DPY19L3: variants seen among roughly 807,000 people sequenced by gnomAD.
DPY19L3 encodes protein C-mannosyl-transferase DPY19L3.
In DPY19L3, 51 loss-of-function variants were observed where a neutral mutation model predicts 92.3. That is an observed-to-expected ratio of 0.55 (90% CI 0.44 to 0.70). The LOEUF (loss-of-function observed/expected upper bound fraction) is 0.70. DPY19L3 is among the 30% of genes least tolerant of loss of function. DPY19L3 has a pLI of 0.00. For synonymous variants in DPY19L3, 309 were observed against 315.2 expected (o/e 0.98, Z 0.21); for missense variants, 706 against 855.9 (o/e 0.82, Z 2.18).
At chr19:32,468,360 A>G (rs1291132171) in intron 15 of DPY19L3, 6 of 1,006,498 alleles carry the variant, frequency 6.0e-6, no homozygotes, top group Non-Finnish European at 5.9e-6. Flanking sequence ...TTAGTTAATT[A>G]CATATTCCTA....
Position 32,436,483 on chromosome 19 carries a change from T to A in DPY19L3, c.366T>A (p.Ser122=). 1 of 1,565,916 alleles carries A rather than the reference T, an allele frequency of 6.4e-7. No individual in the cohort carries two copies. Among genetic ancestry groups the A allele is most frequent in the Non-Finnish European group, 8.7e-7 (1 of 1,144,680 alleles). ...TAATATATGATAATAAAACTGAATC[T>A]ATGAAGACAATTAACCTCCTTCAGC... is the stretch of plus-strand genomic sequence containing the variant. The part of the protein sequence containing the change: ...HGLIYDNKTE[S]MKTINLLQRM... The change falls in exon 5 of 19, where the codon TCT becomes TCA. Residue 122 remains serine, a synonymous_variant. Transcript: ENST00000392250.
At chr19:32,434,388 G>C (rs992890723) in intron 4 of DPY19L3, among the ~76,000 whole-genome samples, 1 of 152,080 alleles carries the variant, frequency 6.6e-6, no homozygotes, top group Non-Finnish European at 1.5e-5. Flanking sequence ...TGGGCGCAGT[G>C]GCTCACTCCT....
At chr19:32,468,668 TTA>T in intron 15 of DPY19L3, 61 bp from the exon 16 acceptor site, 5 of 1,587,758 alleles carry the variant, frequency 3.1e-6, no homozygotes, top group South Asian at 1.2e-5. Context: ...TCATTTAATC[TTA>T]GTGATAGTTG....
intron 12 of DPY19L3, among the ~76,000 whole-genome samples, 166 bp from the exon 13 acceptor site, chr19:32,463,197 CTTT>C (rs1970094613): frequency 6.6e-6 from 1 of 151,990 alleles, no homozygotes; most frequent in African/African-American, 2.4e-5. Context: ...TATTGTTACA[CTTT>C]AGCCTCATAA....
intron 8 of DPY19L3, among the ~76,000 whole-genome samples, chr19:32,442,891 A>T (rs1327931900): frequency 3.9e-5 from 6 of 152,186 alleles, no homozygotes; most frequent in African/African-American, 1.4e-4. Flanking sequence ...TGCCAGAGCT[A>T]TGTCAGAGAA....
intron 16 of DPY19L3, among the ~76,000 whole-genome samples, chr19:32,472,650 A>G (rs777887144): frequency 3.9e-5 from 6 of 152,026 alleles, no homozygotes; most frequent in East Asian, 1.9e-4. Context: ...TGCAACCACA[A>G]TCTGTGGTTT....
intron 8 of DPY19L3, among the ~76,000 whole-genome samples, chr19:32,441,128 C>T (rs1969308958): frequency 6.6e-6 from 1 of 152,128 alleles, no homozygotes; most frequent in African/African-American, 2.4e-5. Context: ...AATGTATTTG[C>T]CTTTTCACCA....
intron 15 of DPY19L3, among the ~76,000 whole-genome samples, chr19:32,465,677 G>A (rs1388526594): frequency 6.6e-6 from 1 of 152,000 alleles, no homozygotes; most frequent in Non-Finnish European, 1.5e-5. Flanking sequence ...TTTCATGTAG[G>A]ATTTTGTGAA....
At chr19:32,468,703 T>G in intron 15 of DPY19L3, 28 bp from the exon 16 acceptor site, 1 of 1,610,910 alleles carries the variant, frequency 6.2e-7, no homozygotes, top group Non-Finnish European at 8.5e-7. Context: ...TGGATTTTGT[T>G]TTTGTTTTGT....
chr19:32,480,736 C>T (rs1273973755), intron 18 of DPY19L3, 179 bp downstream of exon 18: 8 of 871,404 alleles, frequency 9.2e-6, no homozygotes, highest in Non-Finnish European at 1.2e-5. Flanking sequence ...GTGACTGCCA[C>T]CGGGGCTGGG....
intron 1 of DPY19L3, among the ~76,000 whole-genome samples, chr19:32,407,786 G>A (rs983319540): frequency 2.0e-5 from 3 of 152,176 alleles, no homozygotes; most frequent in African/African-American, 4.8e-5. Context: ...GGCCAGCAAC[G>A]ATTTAGATGG....
chr19:32,447,771 AGATAGATT>A (rs1568343884), intron 8 of DPY19L3, among the ~76,000 whole-genome samples: 1 of 120,030 alleles, frequency 8.3e-6, no homozygotes, highest in African/African-American at 3.6e-5. Context: ...ATAGATAGAT[AGATAGATT>A]AGATAAGATA....
chr19:32,423,929 C>T (rs1968667606), intron 3 of DPY19L3, among the ~76,000 whole-genome samples: 1 of 151,916 alleles, frequency 6.6e-6, no homozygotes, highest in Non-Finnish European at 1.5e-5. Context: ...AGGAGGATCA[C>T]TTGAGCTCAG....
chr19:32,442,698 A>T (rs1727521539), intron 8 of DPY19L3, among the ~76,000 whole-genome samples: 1 of 152,208 alleles, frequency 6.6e-6, no homozygotes. Context: ...TCCTCCCTCT[A>T]GCAAAAGGAC....
intron 3 of DPY19L3, among the ~76,000 whole-genome samples, chr19:32,424,160 T>C (rs576221539): frequency 6.6e-6 from 1 of 151,254 alleles, no homozygotes; most frequent in Non-Finnish European, 1.5e-5. Context: ...CTACAAAAAA[T>C]TTTTAAAAAA....
intron 8 of DPY19L3, among the ~76,000 whole-genome samples, chr19:32,441,142 T>C (rs745609973): frequency 2.6e-5 from 4 of 152,220 alleles, no homozygotes; most frequent in Non-Finnish European, 5.9e-5. Context: ...TTCACCAACA[T>C]TTCTACCCCT....
In DPY19L3 at chr19:32,458,150, A is replaced by C. The variant is rs776724800; in HGVS notation, c.1140A>C (p.Ala380=). 8.1e-6 allele frequency: 13 copies of C among 1,613,858 alleles called. No homozygotes were observed. The South Asian group carries it at 1.3e-4, about 16-fold the overall frequency. ...AACACATATTTAAATTTCTGAAGGC[A>C]AAATTTGGGCTTGGAGCAACAAGGT... ...SDEHIFKFLK[A]KFGLGATRDF... Residue 380 remains alanine (A), a synonymous_variant, in exon 11 of 19, where the codon GCA becomes GCC. Transcript: ENST00000392250.
chr19:32,455,776 G>A (rs932924836), intron 10 of DPY19L3, among the ~76,000 whole-genome samples: 1 of 152,188 alleles, frequency 6.6e-6, no homozygotes, highest in Non-Finnish European at 1.5e-5. Flanking sequence ...CAATGCCCCA[G>A]GGGCTCTGCT....
At chr19:32,422,555 A>T (rs968393848) in intron 3 of DPY19L3, among the ~76,000 whole-genome samples, 1 of 152,096 alleles carries the variant, frequency 6.6e-6, no homozygotes, top group South Asian at 2.1e-4. Context: ...GCAAGTGACA[A>T]TTGAGGACAA....
Sources: gnomAD v4.1 joint callset for allele counts (sites outside exome capture counted in the v4.1 genomes callset) on GRCh38, gnomAD v4.1.1 for gene constraint, MANE v1.5 for transcripts, NCBI Gene and HGNC (gene_info 2026-07-23, HGNC 2026-07-21) for gene names.